Variants in CGGBP1 observed in about 807,000 individuals in gnomAD.
CGGBP1 encodes the protein CGG triplet repeat-binding protein 1.
In CGGBP1, 4 loss-of-function variants were observed where a neutral mutation model predicts 11.4. The ratio of observed to expected loss-of-function variants is 0.35; its 90% confidence interval spans 0.17 to 0.80. The LOEUF is 0.80. CGGBP1 is among the 30% of genes least tolerant of loss of function. The pLI, the probability that CGGBP1 is intolerant of heterozygous loss-of-function variation, is 0.52. For missense variants in CGGBP1, 135 were observed against 202.1 expected, an observed-to-expected ratio of 0.67 and a Z score of 2.01; for synonymous variants, 76 against 74.1, an observed-to-expected ratio of 1.03 and a Z score of -0.13.
chr3:88,067,509 T>C (rs1246281988), intron 2 of CGGBP1, among the ~76,000 whole-genome samples: 7 of 152,172 alleles, frequency 4.6e-5, no homozygotes, highest in Admixed American at 2.0e-4. Flanking sequence ...AACTAAAGCT[T>C]GAGGAGCCTC....
intron 2 of CGGBP1, among the ~76,000 whole-genome samples, chr3:88,133,153 C>T (rs549875096): frequency 6.6e-6 from 1 of 152,236 alleles, no homozygotes; most frequent in South Asian, 2.1e-4. Flanking sequence ...CACTTTCCCG[C>T]CCCTGAATTA....
At chr3:88,103,741 T>C (rs1274139144) in intron 2 of CGGBP1, among the ~76,000 whole-genome samples, 1 of 149,796 alleles carries the variant, frequency 6.7e-6, no homozygotes, top group Non-Finnish European at 1.5e-5. Flanking sequence ...TTTAAAGTGA[T>C]GAAAGAAAGA....
chr3:88,084,991 T>A (rs1322463815), intron 2 of CGGBP1, among the ~76,000 whole-genome samples: 1 of 152,196 alleles, frequency 6.6e-6, no homozygotes, highest in Non-Finnish European at 1.5e-5. Context: ...TATAAACAGG[T>A]TCTCTGCTCT....
At chr3:88,108,627 T>C (rs1704892213) in intron 2 of CGGBP1, among the ~76,000 whole-genome samples, 1 of 152,326 alleles carries the variant, frequency 6.6e-6, no homozygotes, top group Non-Finnish European at 1.5e-5. Flanking sequence ...CTACACTGTA[T>C]ACGCTACCTG....
At chr3:88,138,024 A>G (rs963516102) in intron 2 of CGGBP1, among the ~76,000 whole-genome samples, 1 of 152,166 alleles carries the variant, frequency 6.6e-6, no homozygotes, top group African/African-American at 2.4e-5. Context: ...ATTCCCAAGT[A>G]AAAGCTGATG....
intron 3 of CGGBP1, chr3:88,056,224 C>A: frequency 2.7e-6 from 1 of 374,174 alleles, no homozygotes; most frequent in East Asian, 4.3e-5. Flanking sequence ...TTGATTTTTA[C>A]GAAATTCAAG....
intron 2 of CGGBP1, among the ~76,000 whole-genome samples, chr3:88,090,756 C>T (rs1031630782): frequency 6.6e-6 from 1 of 152,148 alleles, no homozygotes; most frequent in African/African-American, 2.4e-5. Context: ...TTATCTTTTA[C>T]ACCAGGGGTG....
intron 2 of CGGBP1, among the ~76,000 whole-genome samples, chr3:88,125,550 A>C (rs1706050149): frequency 6.6e-6 from 1 of 152,154 alleles, no homozygotes; most frequent in African/African-American, 2.4e-5. Context: ...TTATAGATTT[A>C]TTTCTTTAAC....
intron 2 of CGGBP1, among the ~76,000 whole-genome samples, chr3:88,085,661 A>T (rs1162408323): frequency 6.6e-6 from 1 of 152,210 alleles, no homozygotes; most frequent in Non-Finnish European, 1.5e-5. Flanking sequence ...TTTTATGGTA[A>T]GGAAACTAAT....
intron 2 of CGGBP1, among the ~76,000 whole-genome samples, chr3:88,073,169 G>A (rs1200665578): frequency 2.6e-5 from 4 of 152,106 alleles, no homozygotes; most frequent in Non-Finnish European, 5.9e-5. Context: ...ACTATTAGCA[G>A]TACAAATTAT....
At chr3:88,098,809 T>C (rs1013241672) in intron 2 of CGGBP1, among the ~76,000 whole-genome samples, 2 of 152,086 alleles carry the variant, frequency 1.3e-5, no homozygotes, top group Non-Finnish European at 2.9e-5. Flanking sequence ...AAACTCTCAA[T>C]AAATTAGGTA....
chr3:88,133,626 C>T (rs1706595447), intron 2 of CGGBP1, among the ~76,000 whole-genome samples: 1 of 152,092 alleles, frequency 6.6e-6, no homozygotes, highest in Non-Finnish European at 1.5e-5. Context: ...ATAAATGAAG[C>T]AGTTTAGCTG....
intron 1 of CGGBP1, among the ~76,000 whole-genome samples, 169 bp from the exon 2 acceptor site, chr3:88,058,392 G>A (rs566172257): frequency 6.6e-6 from 1 of 152,332 alleles, no homozygotes; most frequent in African/African-American, 2.4e-5. Context: ...TCCCCTCCCA[G>A]GTCCTCCTCG....
chr3:88,129,065 A>C (rs1334081373), intron 2 of CGGBP1: 106 of 1,329,894 alleles, frequency 8.0e-5, no homozygotes, highest in Non-Finnish European at 9.8e-5. Context: ...CCAAAAAAAA[A>C]CCAAAAAAAA....
intron 2 of CGGBP1, among the ~76,000 whole-genome samples, chr3:88,083,090 C>A (rs1708165399): frequency 6.6e-6 from 1 of 151,952 alleles, no homozygotes; most frequent in Admixed American, 6.6e-5. Flanking sequence ...TCCTCCTCCT[C>A]ACCACCAATC....
intron 2 of CGGBP1, among the ~76,000 whole-genome samples, chr3:88,099,139 T>A (rs1704244565): frequency 6.6e-6 from 1 of 152,176 alleles, no homozygotes; most frequent in South Asian, 2.1e-4. Context: ...CAGCAAAGTC[T>A]CAGGATACAA....
At chr3:88,104,904 C>G (rs1704640030) in intron 2 of CGGBP1, among the ~76,000 whole-genome samples, 1 of 152,170 alleles carries the variant, frequency 6.6e-6, no homozygotes, top group Non-Finnish European at 1.5e-5. Context: ...TTTGGAAGGC[C>G]AAGGTGGGCA....
At position 88,092,490 on chromosome 3, in the gene CGGBP1, C is replaced by T. The variant is rs184108850; in HGVS notation, c.-228-34267G>A. Among the ~76,000 whole-genome samples the T allele has an allele frequency of 5.3e-3, 809 of 152,200 alleles. 5 individuals carry two copies. Among genetic ancestry groups the T allele is most frequent in the African/African-American group, 0.017 (694 of 41,526 alleles). On this transcript the variant is annotated intron_variant, in intron 2 of 3. Transcript: ENST00000462901. ...AGCAAAAATGTGCTGGGTGAGCTAA[C>T]TTGCTGTACTCTGAAGGAATGACAG... is the stretch of plus-strand genomic sequence containing the variant.
chr3:88,122,801 G>C (rs1705849613), intron 2 of CGGBP1, among the ~76,000 whole-genome samples: 1 of 152,014 alleles, frequency 6.6e-6, no homozygotes, highest in African/African-American at 2.4e-5. Flanking sequence ...CCTGAGGTGA[G>C]GAGTTCGATA....
Sources: gnomAD v4.1 joint callset for allele counts (sites outside exome capture counted in the v4.1 genomes callset) on GRCh38, gnomAD v4.1.1 for gene constraint, MANE v1.5 for transcripts, NCBI Gene and HGNC (gene_info 2026-07-23, HGNC 2026-07-21) for gene names.